The following CCDC91 variants were observed in gnomAD, a reference collection of about 807,000 sequenced individuals.
CCDC91 encodes coiled-coil domain containing 91.
Under a neutral mutation model 63.2 loss-of-function variants are expected in CCDC91, and 48 were observed. The observed-to-expected ratio is 0.76, with a 90% CI of 0.60 to 0.97. The LOEUF (loss-of-function observed/expected upper bound fraction) is 0.97, where lower values mean the gene tolerates loss of function less well. Among genes scored for constraint, CCDC91 ranks in the 50% least tolerant of loss-of-function variants. CCDC91 has a pLI of 0.00. For missense variants in CCDC91, 500 were observed against 494.6 expected (o/e 1.01, Z -0.10); for synonymous variants, 167 against 165.8 (o/e 1.01, Z -0.06).
chr12:28,384,545 G>A (rs1945483898), intron 7 of CCDC91, among the ~76,000 whole-genome samples: 1 of 151,976 alleles, frequency 6.6e-6, no homozygotes, highest in Non-Finnish European at 1.5e-5. Context: ...AGTGTCTTTG[G>A]TATTTTTCCA....
At chr12:28,404,959 G>A (rs1946844421) in intron 8 of CCDC91, among the ~76,000 whole-genome samples, 1 of 151,894 alleles carries the variant, frequency 6.6e-6, no homozygotes, top group Non-Finnish European at 1.5e-5. Flanking sequence ...CTTTTAATTG[G>A]TGTTTTTAGA....
At chr12:28,252,461 T>C (rs554360485) in intron 1 of CCDC91, among the ~76,000 whole-genome samples, 1 of 152,062 alleles carries the variant, frequency 6.6e-6, no homozygotes, top group African/African-American at 2.4e-5. Flanking sequence ...TGACTTCCCA[T>C]TTTTTTCTCT....
chr12:28,439,453 TACTC>T (rs1592677713), intron 8 of CCDC91, among the ~76,000 whole-genome samples: 1 of 152,266 alleles, frequency 6.6e-6, no homozygotes. Context: ...CACTTGATCT[TACTC>T]AATGTTTAAG....
chr12:28,491,885 G>A (rs1447316053), intron 12 of CCDC91, among the ~76,000 whole-genome samples: 3 of 150,570 alleles, frequency 2.0e-5, no homozygotes, highest in Non-Finnish European at 4.4e-5. Flanking sequence ...GTGTGTGTGT[G>A]TGTGTGTGTG....
chr12:28,428,382 C>T (rs1368897912), intron 8 of CCDC91, among the ~76,000 whole-genome samples: 1 of 151,730 alleles, frequency 6.6e-6, no homozygotes, highest in East Asian at 1.9e-4. Context: ...ACCAGCCTGA[C>T]CGACAAGGAG....
intron 3 of CCDC91, among the ~76,000 whole-genome samples, chr12:28,276,536 C>A (rs910268476): frequency 1.3e-5 from 2 of 151,806 alleles, no homozygotes; most frequent in African/African-American, 4.8e-5. Context: ...GTGTGCAGTT[C>A]CCTGTGTAAC....
intron 6 of CCDC91, among the ~76,000 whole-genome samples, chr12:28,361,648 A>C (rs950227300): frequency 6.6e-6 from 1 of 150,844 alleles, no homozygotes; most frequent in Non-Finnish European, 1.5e-5. Flanking sequence ...TCATCTATTG[A>C]GTTATTAATA....
intron 6 of CCDC91, among the ~76,000 whole-genome samples, chr12:28,316,028 T>A (rs1939828414): frequency 6.6e-6 from 1 of 151,982 alleles, no homozygotes; most frequent in African/African-American, 2.4e-5. Flanking sequence ...CATAAAACAT[T>A]GCTGTCAAAG....
At chr12:28,256,746 A>G (rs1328826238) in intron 1 of CCDC91, 1 of 153,802 alleles carries the variant, frequency 6.5e-6, no homozygotes, top group African/African-American at 2.4e-5. Flanking sequence ...ATGCTGATCA[A>G]TTTTGAAAAT....
rs148327923 is a variant in CCDC91, at chr12:28,224,320, A to C, written c.-14-32882A>C. On this transcript the variant is annotated intron_variant, in intron 1 of 12. Transcript: ENST00000536442. Reference sequence around the variant, plus strand: ...AAAGGGCATGTTTCTACTGTCATCAACCTATTTTTGGAAATTATTTTTGTC... The same window carrying C: ...AAAGGGCATGTTTCTACTGTCATCACCCTATTTTTGGAAATTATTTTTGTC... Among the ~76,000 whole-genome samples, 16 of 152,218 alleles carry C rather than the reference A, an allele frequency of 1.1e-4. No individual in the cohort carries two copies. In the East Asian group the frequency reaches 3.1e-3, roughly 29 times the overall value.
intron 3 of CCDC91, among the ~76,000 whole-genome samples, chr12:28,304,375 T>TAAAAAAAAAAAAAAAAAAAAAAAA (rs777296414): frequency 2.7e-5 from 2 of 73,582 alleles, no homozygotes; most frequent in African/African-American, 5.9e-5. Context: ...AGACTCCGTC[T>TAAAAAAAAAAAAAAAAAAAAAAAA]AAAAAAAAAA....
intron 12 of CCDC91, among the ~76,000 whole-genome samples, chr12:28,497,998 GAGCTT>G (rs1288254024): frequency 6.6e-6 from 1 of 151,432 alleles, no homozygotes; most frequent in African/African-American, 2.4e-5. Context: ...GTCTGGGGTG[GAGCTT>G]AGCCATGGAA....
chr12:28,341,031 C>T (rs1031496852), intron 6 of CCDC91, among the ~76,000 whole-genome samples: 4 of 152,088 alleles, frequency 2.6e-5, no homozygotes, highest in African/African-American at 7.2e-5. Flanking sequence ...CTCAGTGATG[C>T]GGGCTTTCTT....
At chr12:28,446,286 T>G (rs529954040) in intron 8 of CCDC91, among the ~76,000 whole-genome samples, 1 of 152,222 alleles carries the variant, frequency 6.6e-6, no homozygotes, top group Non-Finnish European at 1.5e-5. Flanking sequence ...CAATATCTTT[T>G]GTGGCTATTG....
At chr12:28,333,489 A>T (rs1941680736) in intron 6 of CCDC91, among the ~76,000 whole-genome samples, 1 of 151,626 alleles carries the variant, frequency 6.6e-6, no homozygotes, top group Admixed American at 6.6e-5. Flanking sequence ...TAGGATATTT[A>T]TTTTTGGGTT....
At chr12:28,396,066 T>C (rs1377061433) in intron 8 of CCDC91, among the ~76,000 whole-genome samples, 2 of 152,126 alleles carry the variant, frequency 1.3e-5, no homozygotes, top group Non-Finnish European at 2.9e-5. Context: ...TAGGATGGAA[T>C]AAATAGTAAT....
At chr12:28,519,913 G>A (rs946523256) in intron 12 of CCDC91, among the ~76,000 whole-genome samples, 1 of 151,858 alleles carries the variant, frequency 6.6e-6, no homozygotes, top group African/African-American at 2.4e-5. Flanking sequence ...CCTTTTTTAT[G>A]GCTGCATAGT....
At chr12:28,346,138 G>T (rs1251349125) in intron 6 of CCDC91, among the ~76,000 whole-genome samples, 1 of 152,050 alleles carries the variant, frequency 6.6e-6, no homozygotes, top group Non-Finnish European at 1.5e-5. Context: ...GGTTAGTTCT[G>T]TTGAGAGCTG....
chr12:28,443,519 G>T (rs896323270), intron 8 of CCDC91, among the ~76,000 whole-genome samples: 1 of 152,034 alleles, frequency 6.6e-6, no homozygotes, highest in Admixed American at 6.6e-5. Flanking sequence ...TAAATACACT[G>T]AGAGCCTCTA....
Sources: gnomAD v4.1 joint callset for allele counts (sites outside exome capture counted in the v4.1 genomes callset) on GRCh38, gnomAD v4.1.1 for gene constraint, MANE v1.5 for transcripts, NCBI Gene and HGNC (gene_info 2026-07-23, HGNC 2026-07-21) for gene names.